CUL3: variants seen among roughly 807,000 people sequenced by gnomAD.
CUL3 encodes cullin-3.
Under a neutral mutation model 89.1 loss-of-function variants are expected in CUL3, and 19 were observed. The observed-to-expected ratio is 0.21, with a 90% CI of 0.15 to 0.31. The LOEUF (loss-of-function observed/expected upper bound fraction) is 0.31, where lower values mean the gene tolerates loss of function less well. CUL3 is among the 10% of genes least tolerant of loss of function. The pLI is 1.00. For synonymous variants in CUL3, 351 were observed against 308.4 expected (o/e 1.14, Z -1.45); for missense variants, 469 against 942.3 (o/e 0.50, Z 6.58).
At chr2:224,494,724 C>T (rs1200428412) in intron 13 of CUL3, among the ~76,000 whole-genome samples, 1 of 152,080 alleles carries the variant, frequency 6.6e-6, no homozygotes, top group Non-Finnish European at 1.5e-5. Flanking sequence ...TAATCCTTAC[C>T]TTATACTATA....
Position 224,536,983 on chromosome 2 carries a change from C to T in CUL3, c.265-1342G>A, listed in dbSNP as rs528205891. 5.9e-5 allele frequency among the ~76,000 whole-genome samples: 9 copies of T among 152,296 alleles called. No homozygotes were observed. In the South Asian group the frequency reaches 1.2e-3, roughly 21 times the overall value. On this transcript the variant is annotated intron_variant, in intron 2 of 15. Coordinates refer to ENST00000264414, the MANE Select transcript of CUL3 (RefSeq NM_003590.5). ...TAATCCAGCTAAACTCTCAATAACT[C>T]TACACTAAACAAAACTTTTTTATCT...
intron 3 of CUL3, among the ~76,000 whole-genome samples, chr2:224,527,727 C>T (rs1693531138): frequency 6.6e-6 from 1 of 152,108 alleles, no homozygotes; most frequent in African/African-American, 2.4e-5. Context: ...TGAACGATCC[C>T]GTTTCTCATT....
chr2:224,470,497 T>A lies in CUL3; in HGVS notation c.*3748A>T. The A allele has an allele frequency of 4.4e-6, 1 of 224,788 alleles. No individual in the cohort carries two copies. The highest frequency in any genetic ancestry group is 2.4e-5 in the African/African-American group (1 of 42,144). 13.9% of individuals were successfully genotyped at this position (224,788 alleles called of 1,614,324 possible). A position where few individuals can be genotyped will look rare whatever the true frequency, so the allele number is the denominator to read the frequency against. On this transcript the variant is annotated 3_prime_UTR_variant, in exon 16 of 16. Transcript: ENST00000264414. The stretch of plus-strand genomic sequence containing the variant: ...TCTGTATCATTACCTGTTAAATTTA[T>A]CTGCCATTCTTAACGTCTCTTCTTC...
At chr2:224,514,578 A>AC (rs775468129) in intron 4 of CUL3, 34 bp downstream of exon 4, 2 of 1,564,724 alleles carry the variant, frequency 1.3e-6, no homozygotes, top group Non-Finnish European at 1.7e-6. Context: ...AATCACTAAA[A>AC]CCAAAACCAC....
At chr2:224,493,517 T>C (rs895033870) in intron 13 of CUL3, among the ~76,000 whole-genome samples, 1 of 152,228 alleles carries the variant, frequency 6.6e-6, no homozygotes, top group Non-Finnish European at 1.5e-5. Flanking sequence ...CTTTGTGACT[T>C]AGCTAAAGTT....
rs1430045220 is a variant in CUL3 at position 224,482,195 on chromosome 2, C to T, written c.1843-117G>A. On this transcript the variant is annotated intron_variant, in intron 13 of 15. Coordinates refer to ENST00000264414, the MANE Select transcript of CUL3 (RefSeq NM_003590.5). ...AGGTAATTCCATTAAATAAATAATGCACAAAAAAGAATTCTCTTGAGTACT... is the reference window on the plus strand; with the variant it reads ...AGGTAATTCCATTAAATAAATAATGTACAAAAAAGAATTCTCTTGAGTACT... 7.3e-6 allele frequency: 5 copies of T among 687,692 alleles called. No homozygotes were observed. In the African/African-American group the frequency reaches 9.4e-5, roughly 13 times the overall value. The allele number at this position is 687,692 out of a possible 1,614,324, so 42.6% of individuals were successfully genotyped here. A position where few individuals can be genotyped will look rare whatever the true frequency, so the allele number is the denominator to read the frequency against.
At chr2:224,481,084 T>C (rs866124323) in intron 14 of CUL3, among the ~76,000 whole-genome samples, 4 of 152,148 alleles carry the variant, frequency 2.6e-5, no homozygotes, top group Non-Finnish European at 5.9e-5. Flanking sequence ...TTAACATTAC[T>C]TTTAAAAAGA....
chr2:224,491,493 C>T (rs1248492131), intron 13 of CUL3, among the ~76,000 whole-genome samples: 1 of 152,176 alleles, frequency 6.6e-6, no homozygotes, highest in Non-Finnish European at 1.5e-5. Flanking sequence ...GCCAAATTGA[C>T]AATCATATTA....
intron 14 of CUL3, chr2:224,479,462 T>TA (rs1327473740): frequency 6.6e-6 from 1 of 152,144 alleles, no homozygotes; most frequent in Non-Finnish European, 1.5e-5. Flanking sequence ...GGTACTGGTT[T>TA]AAATGAAACT....
Position 224,500,404 on chromosome 2 carries a change from G to A in CUL3, c.1569C>T (p.Asn523=), listed in dbSNP as rs1692334524. The A allele has an allele frequency of 6.2e-7, 1 of 1,613,988 alleles. No homozygotes were observed. The highest frequency in any genetic ancestry group is 1.3e-5 in the African/African-American group (1 of 74,920). ...WPTQSATPKC[N]IPPAPRHAFE... ...AAGCATGTCTTGGTGCTGGTGGGAT[G>A]TTGCACTTTGGTGTGGCTGACTGAG... Residue 523 remains asparagine, a synonymous_variant, in exon 11 of 16, where the codon AAC becomes AAT. Coordinates refer to ENST00000264414, the MANE Select transcript of CUL3 (RefSeq NM_003590.5).
chr2:224,473,625 C>T lies in CUL3; in HGVS notation c.*620G>A, dbSNP rs904756720. 4 of 186,520 alleles carry T rather than the reference C, an allele frequency of 2.1e-5. No individual in the cohort carries two copies. Among genetic ancestry groups the T allele is most frequent in the African/African-American group, 9.4e-5 (4 of 42,666 alleles). The allele number at this position is 186,520 out of a possible 1,614,324, so 11.6% of individuals were successfully genotyped here. A position where few individuals can be genotyped will look rare whatever the true frequency, so the allele number is the denominator to read the frequency against. On this transcript the variant is annotated 3_prime_UTR_variant, in exon 16 of 16. Transcript: ENST00000264414. ...AAATTACAACAGGGAGAAACCAAAT[C>T]AGGATGTGTACTTGAGCCCAAAACA...
intron 3 of CUL3, among the ~76,000 whole-genome samples, chr2:224,531,436 A>T (rs537482215): frequency 5.3e-4 from 40 of 75,110 alleles, no homozygotes; most frequent in Non-Finnish European, 1.0e-3. Flanking sequence ...TAGTTTATTT[A>T]AAAAAAAAAA....
At chr2:224,583,458 A>G (rs1042696130) in intron 1 of CUL3, among the ~76,000 whole-genome samples, 12 of 152,364 alleles carry the variant, frequency 7.9e-5, no homozygotes, top group Middle Eastern at 6.8e-3. Context: ...AGGAAAATTA[A>G]TATCACTCAC....
At chr2:224,523,484 T>C (rs973502697) in intron 3 of CUL3, among the ~76,000 whole-genome samples, 4 of 151,522 alleles carry the variant, frequency 2.6e-5, no homozygotes, top group Admixed American at 6.6e-5. Flanking sequence ...TAAGATAGTA[T>C]AGCTGCTGTG....
At chr2:224,582,022 T>C (rs998780950) in intron 1 of CUL3, among the ~76,000 whole-genome samples, 1 of 152,114 alleles carries the variant, frequency 6.6e-6, no homozygotes, top group African/African-American at 2.4e-5. Context: ...TGGAGTGCAA[T>C]GGCGCGATCT....
In CUL3 at chr2:224,470,902, G is replaced by T; in HGVS notation, c.*3343C>A. ...CATGTCAATTTGTAACATGGAATAT[G>T]GATAGGATTAAACCTAGGTCCAACT... On this transcript the variant is annotated 3_prime_UTR_variant, in exon 16 of 16. Coordinates refer to ENST00000264414, the MANE Select transcript of CUL3 (RefSeq NM_003590.5). The T allele has an allele frequency of 4.4e-6, 1 of 228,794 alleles. No homozygotes were observed. Among genetic ancestry groups the T allele is most frequent in the Non-Finnish European group, 8.7e-6 (1 of 115,332 alleles). The allele number at this position is 228,794 out of a possible 1,614,324, so 14.2% of individuals were successfully genotyped here. A position where few individuals can be genotyped will look rare whatever the true frequency, so the allele number is the denominator to read the frequency against.
intron 3 of CUL3, among the ~76,000 whole-genome samples, chr2:224,515,695 C>CT (rs11368683): frequency 0.19 from 27,006 of 145,168 alleles, 2,754 homozygotes; most frequent in South Asian, 0.27. Flanking sequence ...ACTTTCCAAA[C>CT]TTTTTTTTTT....
intron 1 of CUL3, among the ~76,000 whole-genome samples, chr2:224,563,594 G>A (rs1461181097): frequency 1.3e-5 from 2 of 152,092 alleles, no homozygotes; most frequent in East Asian, 3.8e-4. Flanking sequence ...ACCACTGCCT[G>A]AAAATATTAA....
chr2:224,487,685 TAGAC>T (rs1169061976), intron 13 of CUL3, among the ~76,000 whole-genome samples: 1 of 152,086 alleles, frequency 6.6e-6, no homozygotes, highest in Non-Finnish European at 1.5e-5. Flanking sequence ...CTGTCAATAT[TAGAC>T]AGATCAATGA....
Sources: gnomAD v4.1 joint callset for allele counts (sites outside exome capture counted in the v4.1 genomes callset) on GRCh38, gnomAD v4.1.1 for gene constraint, MANE v1.5 for transcripts, NCBI Gene and HGNC (gene_info 2026-07-23, HGNC 2026-07-21) for gene names.